The following MAGI2 variants were observed in gnomAD, a reference collection of about 807,000 sequenced individuals.
The protein encoded by MAGI2 is membrane-associated guanylate kinase, WW and PDZ domain-containing protein 2.
MAGI2 carries 35 observed loss-of-function variants against 133.3 expected under a neutral mutation model. The observed-to-expected ratio is 0.26, with a 90% CI of 0.20 to 0.35. The LOEUF is 0.35. MAGI2 is among the 10% of genes least tolerant of loss of function. MAGI2 has a pLI of 1.00. For missense variants in MAGI2, 1,636 were observed against 1,863.4 expected (o/e 0.88, Z 2.25); for synonymous variants, 729 against 710.6 (o/e 1.03, Z -0.41).
chr7:78,922,606 G>T (rs1268941298), intron 2 of MAGI2, among the ~76,000 whole-genome samples: 1 of 152,080 alleles, frequency 6.6e-6, no homozygotes, highest in Non-Finnish European at 1.5e-5. Context: ...TGGACACTTG[G>T]GTTGGTTCCA....
rs137940032 is a variant in MAGI2, at chr7:79,421,418, G to A, written c.301+31602C>T. ...CCTTCCACAAATAAGACATTAGGGT[G>A]TGACAGAATGCCCAAACTCTTGCTT... is the stretch of plus-strand genomic sequence containing the variant. On this transcript the variant is annotated intron_variant, in intron 1 of 21. Coordinates refer to ENST00000354212, the MANE Select transcript of MAGI2 (RefSeq NM_012301.4). 4.0e-4 allele frequency among the ~76,000 whole-genome samples: 61 copies of A among 151,986 alleles called. 1 individual carries two copies. The highest frequency in any genetic ancestry group is 1.3e-3 in the African/African-American group (54 of 41,498).
chr7:79,147,109 T>C (rs1401630631), intron 1 of MAGI2, among the ~76,000 whole-genome samples: 1 of 152,236 alleles, frequency 6.6e-6, no homozygotes, highest in African/African-American at 2.4e-5. Context: ...ACTTTTCTCA[T>C]CTGTAAAACT....
chr7:78,675,430 G>A (rs1254425264), intron 2 of MAGI2, among the ~76,000 whole-genome samples: 1 of 152,044 alleles, frequency 6.6e-6, no homozygotes, highest in African/African-American at 2.4e-5. Flanking sequence ...CTACTGGTTT[G>A]TATTGTTACT....
intron 9 of MAGI2, among the ~76,000 whole-genome samples, chr7:78,270,665 G>A (rs1794475041): frequency 6.6e-6 from 1 of 151,990 alleles, no homozygotes; most frequent in Non-Finnish European, 1.5e-5. Context: ...ATTTGGGGCT[G>A]AGACGATGGG....
intron 1 of MAGI2, among the ~76,000 whole-genome samples, chr7:79,053,855 G>T (rs556121836): frequency 6.6e-6 from 1 of 152,240 alleles, no homozygotes; most frequent in South Asian, 2.1e-4. Context: ...AAAGAACAAA[G>T]AAGCATGACT....
chr7:78,563,404 T>C (rs1471931284), intron 3 of MAGI2, among the ~76,000 whole-genome samples: 1 of 152,150 alleles, frequency 6.6e-6, no homozygotes, highest in Non-Finnish European at 1.5e-5. Flanking sequence ...ACAGTGATGA[T>C]TAGTGGTCTC....
At chr7:79,058,564 C>T (rs1360071481) in intron 1 of MAGI2, among the ~76,000 whole-genome samples, 3 of 151,980 alleles carry the variant, frequency 2.0e-5, no homozygotes, top group African/African-American at 7.3e-5. Context: ...TTAATTTTCC[C>T]CATATTACAC....
chr7:79,114,326 A>G (rs1018963759), intron 1 of MAGI2, among the ~76,000 whole-genome samples: 2 of 152,214 alleles, frequency 1.3e-5, no homozygotes, highest in African/African-American at 4.8e-5. Flanking sequence ...ATATTGGACC[A>G]GACTCCAAAA....
chr7:78,649,840 G>T (rs1811356723), intron 2 of MAGI2, among the ~76,000 whole-genome samples: 3 of 152,020 alleles, frequency 2.0e-5, no homozygotes, highest in Admixed American at 2.0e-4. Flanking sequence ...TTGTAAAATG[G>T]GAATAATAAT....
intron 2 of MAGI2, among the ~76,000 whole-genome samples, chr7:78,873,342 T>C (rs982672078): frequency 2.6e-5 from 4 of 152,112 alleles, no homozygotes; most frequent in African/African-American, 4.8e-5. Context: ...GCGGGTGAGA[T>C]TCGTCTGTAT....
At chr7:78,487,367 C>G (rs1477823671) in intron 6 of MAGI2, 2 of 156,086 alleles carry the variant, frequency 1.3e-5, no homozygotes, top group African/African-American at 4.8e-5. Flanking sequence ...TTTCAGGAGA[C>G]AACCCATCAA....
At chr7:78,428,599 C>T (rs560534798) in intron 6 of MAGI2, among the ~76,000 whole-genome samples, 51 of 152,240 alleles carry the variant, frequency 3.3e-4, no homozygotes, top group African/African-American at 8.4e-4. Flanking sequence ...GTCCTCATCC[C>T]GGAATACCTG....
rs1337262118 is a variant in MAGI2, at chr7:78,125,677, A to G, written c.3567+17T>C. ...CTTTCAGAATTAAGCAATTCTATAA[A>G]AAGAGACTGTTCTTACCCTCATCCT... On this transcript the variant is annotated intron_variant, in intron 20 of 21. Transcript: ENST00000354212. 8.1e-6 allele frequency: 13 copies of G among 1,612,820 alleles called. No individual in the cohort carries two copies. The highest frequency in any genetic ancestry group is 1.1e-5 in the Non-Finnish European group (13 of 1,179,260).
At chr7:78,611,591 C>T (rs1806448871) in intron 3 of MAGI2, among the ~76,000 whole-genome samples, 1 of 152,180 alleles carries the variant, frequency 6.6e-6, no homozygotes, top group Admixed American at 6.5e-5. Context: ...AAAATGAGGA[C>T]AGATTCTGTT....
intron 1 of MAGI2, among the ~76,000 whole-genome samples, chr7:79,083,603 T>C (rs899512066): frequency 2.0e-5 from 3 of 151,794 alleles, no homozygotes; most frequent in Non-Finnish European, 4.4e-5. Context: ...TTTGTTCATA[T>C]TCATAAGGGA....
chr7:78,402,989 C>A (rs1210167936), intron 6 of MAGI2, among the ~76,000 whole-genome samples: 1 of 152,068 alleles, frequency 6.6e-6, no homozygotes, highest in African/African-American at 2.4e-5. Flanking sequence ...TTGTTTTAAA[C>A]AATCAAATTA....
chr7:79,141,639 C>T (rs2129546231), intron 1 of MAGI2, among the ~76,000 whole-genome samples: 1 of 152,156 alleles, frequency 6.6e-6, no homozygotes, highest in South Asian at 2.1e-4. Context: ...TGCAAATGGC[C>T]AAATAACGTT....
At chr7:78,080,150 G>A (rs1432653798) in intron 20 of MAGI2, among the ~76,000 whole-genome samples, 1 of 152,228 alleles carries the variant, frequency 6.6e-6, no homozygotes, top group Non-Finnish European at 1.5e-5. Flanking sequence ...AATGGCAGGA[G>A]AGCCTGAAAA....
At chr7:79,430,139 A>C (rs1847676352) in intron 1 of MAGI2, among the ~76,000 whole-genome samples, 1 of 152,132 alleles carries the variant, frequency 6.6e-6, no homozygotes, top group South Asian at 2.1e-4. Flanking sequence ...TATTTGCTAA[A>C]TAGGAAATAT....
Sources: allele counts gnomAD v4.1 joint callset (sites outside exome capture counted in the v4.1 genomes callset), GRCh38; gene constraint gnomAD v4.1.1; transcripts MANE v1.5; gene names NCBI Gene and HGNC (gene_info 2026-07-23, HGNC 2026-07-21).